The following DOCK3 variants were observed in gnomAD, a reference collection of about 807,000 sequenced individuals.
The protein encoded by DOCK3 is dedicator of cytokinesis protein 3.
In DOCK3, 60 loss-of-function variants were observed where a neutral mutation model predicts 265.6. The ratio of observed to expected loss-of-function variants is 0.23; its 90% CI spans 0.18 to 0.28. The LOEUF is 0.28. Among genes scored for constraint, DOCK3 ranks in the 10% least tolerant of loss-of-function variants. DOCK3 has a pLI of 1.00. For missense variants in DOCK3, 1,981 were observed against 2,594.3 expected (o/e 0.76, Z 5.14); for synonymous variants, 881 against 938.0 (o/e 0.94, Z 1.11).
chr3:51,049,740 T>G (rs2080916749), intron 5 of DOCK3, among the ~76,000 whole-genome samples: 1 of 150,050 alleles, frequency 6.7e-6, no homozygotes, highest in Non-Finnish European at 1.5e-5. Flanking sequence ...AGGAGAAAAA[T>G]TATCTCTTGT....
chr3:50,680,217 T>TTC (rs1248016843), intron 1 of DOCK3, among the ~76,000 whole-genome samples: 2 of 146,378 alleles, frequency 1.4e-5, no homozygotes, highest in African/African-American at 2.5e-5. Flanking sequence ...TTTTCTTTCT[T>TTC]TTTTTTTTTT....
chr3:51,203,756 T>C (rs1338044325), intron 12 of DOCK3, among the ~76,000 whole-genome samples: 3 of 152,198 alleles, frequency 2.0e-5, no homozygotes, highest in Non-Finnish European at 4.4e-5. Flanking sequence ...GCTACCTGAC[T>C]TCAAATTATA....
At chr3:51,013,879 C>T (rs529042124) in intron 5 of DOCK3, among the ~76,000 whole-genome samples, 15 of 152,300 alleles carry the variant, frequency 9.8e-5, no homozygotes, top group South Asian at 4.1e-4. Flanking sequence ...TCAGCAATGG[C>T]GGACGCCCCT....
intron 39 of DOCK3, 39 bp from the exon 40 acceptor site, chr3:51,350,249 C>T (rs2110195665): frequency 1.3e-6 from 2 of 1,564,542 alleles, no homozygotes; most frequent in Non-Finnish European, 1.7e-6. Flanking sequence ...TGGATACCAA[C>T]AGCAGTCAAG....
At chr3:51,133,955 A>T (rs947014555) in intron 9 of DOCK3, among the ~76,000 whole-genome samples, 1 of 152,072 alleles carries the variant, frequency 6.6e-6, no homozygotes, top group African/African-American at 2.4e-5. Context: ...AGTGGGCCCC[A>T]GTGTCTGTTG....
intron 1 of DOCK3, among the ~76,000 whole-genome samples, chr3:50,726,223 T>C (rs1474020358): frequency 6.6e-6 from 1 of 152,168 alleles, no homozygotes; most frequent in African/African-American, 2.4e-5. Context: ...TGATTCACAA[T>C]TGGTTGAATC....
At chr3:51,247,626 T>C (rs2078901188) in intron 22 of DOCK3, among the ~76,000 whole-genome samples, 1 of 152,164 alleles carries the variant, frequency 6.6e-6, no homozygotes, top group African/African-American at 2.4e-5. Context: ...AGGGGCAAAA[T>C]CAAATCATAG....
intron 32 of DOCK3, among the ~76,000 whole-genome samples, chr3:51,324,218 T>C (rs1025203811): frequency 1.3e-5 from 2 of 152,200 alleles, no homozygotes; most frequent in African/African-American, 4.8e-5. Context: ...ATAAGCAACT[T>C]CAGCAAAGTC....
intron 5 of DOCK3, among the ~76,000 whole-genome samples, chr3:50,948,030 T>C (rs201226226): frequency 0.41 from 53,400 of 130,658 alleles, 12,745 homozygotes; most frequent in South Asian, 0.51. Flanking sequence ...TAATTATTAT[T>C]ATTATTATTA....
intron 5 of DOCK3, among the ~76,000 whole-genome samples, chr3:50,964,671 C>T (rs1256483562): frequency 6.6e-6 from 1 of 151,986 alleles, no homozygotes; most frequent in Non-Finnish European, 1.5e-5. Flanking sequence ...AATTTTGAGT[C>T]TCCAAAAAGG....
At chr3:50,845,425 G>A (rs554714969) in intron 3 of DOCK3, among the ~76,000 whole-genome samples, 26 of 152,194 alleles carry the variant, frequency 1.7e-4, no homozygotes, top group South Asian at 1.5e-3. Context: ...AACAGAATGC[G>A]TAGTATTCTG....
In DOCK3 at chr3:51,359,731, T is replaced by TTTAGCCCTCTGTATGC; in HGVS notation, c.4885-777_4885-762dup. Among the ~76,000 whole-genome samples, 1 of 152,306 alleles carries TTTAGCCCTCTGTATGC rather than the reference T, an allele frequency of 6.6e-6. No homozygotes were observed. The highest frequency in any genetic ancestry group is 1.9e-4 in the East Asian group (1 of 5,188). On this transcript the variant is annotated intron_variant, in intron 46 of 52. Transcript: ENST00000266037. This position sits in a 1 kb window ranked among gnomAD's most constrained non-coding sequence, Gnocchi z 4.8. ...CCTTTCTCCAGCTACAGAAATACAT[T>TTTAGCCCTCTGTATGC]TTAGCCCTCTGTATGCTTTGGAAGA...
intron 5 of DOCK3, among the ~76,000 whole-genome samples, chr3:50,994,694 G>T (rs1009927917): frequency 6.6e-6 from 1 of 152,226 alleles, no homozygotes; most frequent in African/African-American, 2.4e-5. Flanking sequence ...CAAAGACAGA[G>T]TAGGATTGCA....
At position 51,001,125 on chromosome 3, in the gene DOCK3, T is replaced by C. The variant is rs150248138; in HGVS notation, c.316-63323T>C. On this transcript the variant is annotated intron_variant, in intron 5 of 52. Transcript: ENST00000266037. ...GTGATGGTTAATTTTGTCTACTTGATTGAGCTGCCAAATATTTAGTCAGAT... is the reference window on the plus strand; with the variant it reads ...GTGATGGTTAATTTTGTCTACTTGACTGAGCTGCCAAATATTTAGTCAGAT... Among the ~76,000 whole-genome samples, 17 of 152,376 alleles carry C rather than the reference T, an allele frequency of 1.1e-4. No individual in the cohort carries two copies. The East Asian group carries it at 2.9e-3, about 26-fold the overall frequency.
chr3:50,771,759 G>C (rs2041290597), intron 1 of DOCK3, among the ~76,000 whole-genome samples: 1 of 152,206 alleles, frequency 6.6e-6, no homozygotes, highest in African/African-American at 2.4e-5. Context: ...GCTGAGGCAG[G>C]AGAATGGCGT....
intron 9 of DOCK3, among the ~76,000 whole-genome samples, chr3:51,096,432 C>G (rs149283890): frequency 5.9e-5 from 9 of 151,686 alleles, no homozygotes; most frequent in Non-Finnish European, 1.3e-4. Context: ...TTGATCAATT[C>G]GGCTATTGAT....
At chr3:51,136,851 C>T (rs982434398) in intron 9 of DOCK3, among the ~76,000 whole-genome samples, 2 of 151,976 alleles carry the variant, frequency 1.3e-5, no homozygotes, top group African/African-American at 2.4e-5. Flanking sequence ...CTGCATTATC[C>T]CCCTCTCCTG....
At chr3:51,107,868 C>G (rs1415952949) in intron 9 of DOCK3, among the ~76,000 whole-genome samples, 3 of 151,950 alleles carry the variant, frequency 2.0e-5, no homozygotes, top group African/African-American at 7.3e-5. Context: ...GAGGATCATC[C>G]CCAGTACATG....
intron 6 of DOCK3, among the ~76,000 whole-genome samples, chr3:51,070,731 C>T (rs2081826023): frequency 6.6e-6 from 1 of 152,140 alleles, no homozygotes; most frequent in Non-Finnish European, 1.5e-5. Flanking sequence ...ACTGGGTCCC[C>T]ATCCCCTGGG....
Sources: allele counts gnomAD v4.1 joint callset (sites outside exome capture counted in the v4.1 genomes callset), GRCh38; gene constraint gnomAD v4.1.1; non-coding constraint Gnocchi (gnomAD v3.1); transcripts MANE v1.5; gene names NCBI Gene and HGNC (gene_info 2026-07-23, HGNC 2026-07-21).